The following EBF2 variants were observed in gnomAD, a reference collection of about 807,000 sequenced individuals.
EBF2 encodes EBF transcription factor 2.
In EBF2, 21 loss-of-function variants were observed where a neutral mutation model predicts 72.8. The ratio of observed to expected loss-of-function variants is 0.29; its 90% CI spans 0.20 to 0.42. The LOEUF (loss-of-function observed/expected upper bound fraction) is 0.42, where lower values mean the gene tolerates loss of function less well. Among genes scored for constraint, EBF2 ranks in the 10% least tolerant of loss-of-function variants. The probability of loss-of-function intolerance (pLI) is 1.00; values close to 1 mark genes in which losing one functional copy is unlikely to be tolerated. For missense variants in EBF2, 637 were observed against 731.2 expected, an observed-to-expected ratio of 0.87 and a Z score of 1.49; for synonymous variants, 299 against 274.2, an observed-to-expected ratio of 1.09 and a Z score of -0.89.
rs112244364 is a variant in EBF2 at position 25,976,510 on chromosome 8, T to C, written c.551+56575A>G. Among the ~76,000 whole-genome samples the C allele has an allele frequency of 1.5e-3, 222 of 152,358 alleles. 1 individual carries two copies. Among genetic ancestry groups the C allele is most frequent in the African/African-American group, 5.1e-3 (212 of 41,582 alleles). Reference sequence around the variant, plus strand: ...CTGCCAAGACACAGTATATTTCGACTGAGGACTAATAATATTTGGAAATGA... The same window carrying C: ...CTGCCAAGACACAGTATATTTCGACCGAGGACTAATAATATTTGGAAATGA... On this transcript the variant is annotated intron_variant, in intron 6 of 15. Transcript: ENST00000520164.
At chr8:25,983,690 C>G (rs1418530785) in intron 6 of EBF2, among the ~76,000 whole-genome samples, 1 of 152,330 alleles carries the variant, frequency 6.6e-6, no homozygotes, top group Admixed American at 6.5e-5. Flanking sequence ...CAACCCCGGG[C>G]TCTAGCTGTG....
chr8:26,039,929 G>C, intron 5 of EBF2, 99 bp downstream of exon 5: 1 of 1,301,326 alleles, frequency 7.7e-7, no homozygotes, highest in South Asian at 1.2e-5. Context: ...AGCTGCGAGC[G>C]CTCAGTCCTG....
intron 6 of EBF2, among the ~76,000 whole-genome samples, chr8:25,966,237 T>A (rs1563194934): frequency 6.6e-6 from 1 of 152,162 alleles, no homozygotes; most frequent in African/African-American, 2.4e-5. Context: ...GCCTAGGCTT[T>A]TGGAGATTTT....
intron 6 of EBF2, among the ~76,000 whole-genome samples, chr8:25,962,237 T>C (rs917755707): frequency 1.3e-5 from 2 of 152,166 alleles, no homozygotes; most frequent in Non-Finnish European, 2.9e-5. Context: ...CAAGACCCAT[T>C]TCCTTGAGGA....
At chr8:25,869,034 A>C (rs1321195682) in intron 10 of EBF2, among the ~76,000 whole-genome samples, 1 of 152,154 alleles carries the variant, frequency 6.6e-6, no homozygotes, top group Non-Finnish European at 1.5e-5. Flanking sequence ...TCACCATATT[A>C]ACAAGAATTT....
Position 26,040,662 on chromosome 8 carries a change from G to A in EBF2, c.362C>T (p.Thr121Met), listed in dbSNP as rs1043457048. The A allele has an allele frequency of 3.0e-5, 46 of 1,555,404 alleles. No individual in the cohort carries two copies. The highest frequency in any genetic ancestry group is 1.7e-4 in the Middle Eastern group (1 of 6,022). ...LQLLYSNGVR[T>M]EQDLYVRLID... ...GAGCCTGACATAGAGGTCCTGTTCC[G>A]TGCGGACACCTGCGGGGACCGGAGG... Residue 121 changes from threonine (T) to methionine (M), a missense_variant, in exon 4 of 16, where the codon ACG becomes ATG. Physicochemically the swap from Thr to Met is moderately conservative, Grantham distance 81 (BLOSUM62 -1). This residue lies in a region of EBF2 where 174 missense variants were observed against 161.9 expected (regional missense o/e 1.07). Transcript: ENST00000520164.
chr8:25,844,381 C>A lies in EBF2; in HGVS notation c.*228G>T. 1 of 516,924 alleles carries A rather than the reference C, an allele frequency of 1.9e-6. No homozygotes were observed. 32.0% of individuals were successfully genotyped at this position (516,924 alleles called of 1,614,324 possible). On this transcript the variant is annotated 3_prime_UTR_variant, in exon 16 of 16. Transcript: ENST00000520164. ...GCATTTCTGCTCTTAGCACTGACTA[C>A]GTCAATGACATCTTTTGTCCTTGTC...
Position 25,959,349 on chromosome 8 carries a change from C to T in EBF2, c.552-50794G>A, listed in dbSNP as rs190413888. Among the ~76,000 whole-genome samples, 483 of 152,176 alleles carry T rather than the reference C, an allele frequency of 3.2e-3. 4 individuals carry two copies. The highest frequency in any genetic ancestry group is 0.025 in the Admixed American group (376 of 15,284). The stretch of plus-strand genomic sequence containing the variant: ...CCTCCTGAGTAGCTGGGATTACAGG[C>T]GCCCACCACCATGCCTGGCTAATTT... On this transcript the variant is annotated intron_variant, in intron 6 of 15. Coordinates refer to ENST00000520164, the MANE Select transcript of EBF2 (RefSeq NM_022659.4).
chr8:26,008,677 T>G (rs1804923091), intron 6 of EBF2, among the ~76,000 whole-genome samples: 2 of 152,180 alleles, frequency 1.3e-5, no homozygotes, highest in South Asian at 4.1e-4. Flanking sequence ...CTGCCAATAT[T>G]AAATTAGCAG....
intron 6 of EBF2, among the ~76,000 whole-genome samples, chr8:25,919,724 C>T (rs1007045293): frequency 6.6e-6 from 1 of 152,166 alleles, no homozygotes; most frequent in African/African-American, 2.4e-5. Flanking sequence ...TGGCCAAAGC[C>T]GGGAGCAGAT....
At chr8:25,852,050 T>G (rs933931420) in intron 14 of EBF2, among the ~76,000 whole-genome samples, 25 of 152,334 alleles carry the variant, frequency 1.6e-4, no homozygotes, top group African/African-American at 5.1e-4. Flanking sequence ...AAACATCTTA[T>G]CCTTAAAGTA....
In EBF2 at chr8:25,843,394, A is replaced by G. The variant is rs1801770925; in HGVS notation, c.*1215T>C. On this transcript the variant is annotated 3_prime_UTR_variant, in exon 16 of 16. Coordinates refer to ENST00000520164, the MANE Select transcript of EBF2 (RefSeq NM_022659.4). The stretch of plus-strand genomic sequence containing the variant: ...TAAGACTGACTCTAAAGAGTCCATC[A>G]AACAGAGTTATCTTCTCCAAACCGT... 1 of 152,260 alleles carries G rather than the reference A, an allele frequency of 6.6e-6. No homozygotes were observed. The highest frequency in any genetic ancestry group is 1.5e-5 in the Non-Finnish European group (1 of 68,086). The allele number at this position is 152,260 out of a possible 1,614,324, so 9.4% of individuals were successfully genotyped here.
intron 6 of EBF2, among the ~76,000 whole-genome samples, chr8:25,998,753 A>T (rs1335384020): frequency 6.6e-6 from 1 of 152,234 alleles, no homozygotes; most frequent in Non-Finnish European, 1.5e-5. Context: ...AGGTTAACAA[A>T]GAAATAACTC....
intron 6 of EBF2, among the ~76,000 whole-genome samples, chr8:25,962,234 C>T (rs1804046766): frequency 6.6e-6 from 1 of 152,110 alleles, no homozygotes; most frequent in South Asian, 2.1e-4. Flanking sequence ...GTCCAAGACC[C>T]ATTTCCTTGA....
chr8:25,852,692 T>C (rs1802006430), intron 14 of EBF2, among the ~76,000 whole-genome samples: 1 of 152,218 alleles, frequency 6.6e-6, no homozygotes, highest in Non-Finnish European at 1.5e-5. Flanking sequence ...GTTGAGCAAG[T>C]ACATGCCCGT....
intron 2 of EBF2, chr8:26,041,462 A>G (rs574613031): frequency 8.1e-5 from 15 of 185,796 alleles, no homozygotes; most frequent in Admixed American, 4.3e-4. Flanking sequence ...ACTGAGTTCC[A>G]GGTTCAGGAG....
intron 7 of EBF2, among the ~76,000 whole-genome samples, chr8:25,893,190 C>T (rs531034799): frequency 6.6e-6 from 1 of 151,266 alleles, no homozygotes; most frequent in South Asian, 2.1e-4. Flanking sequence ...TGTGTGAATG[C>T]ATTTTCAAAG....
Position 25,842,583 on chromosome 8 carries a change from C to T in EBF2, c.*2026G>A, listed in dbSNP as rs1801760452. The T allele has an allele frequency of 6.6e-6, 1 of 152,194 alleles. No homozygotes were observed. Among genetic ancestry groups the T allele is most frequent in the Admixed American group, 6.5e-5 (1 of 15,276 alleles). 9.4% of individuals were successfully genotyped at this position (152,194 alleles called of 1,614,324 possible). On this transcript the variant is annotated 3_prime_UTR_variant, in exon 16 of 16. Coordinates refer to ENST00000520164, the MANE Select transcript of EBF2 (RefSeq NM_022659.4). ...TCTTCCCCTTCCATCAATCAGGTTT[C>T]TCACTGGGGGACTTTTTCTCTTATG...
intron 6 of EBF2, among the ~76,000 whole-genome samples, chr8:25,917,616 A>G (rs1326189537): frequency 6.6e-6 from 1 of 152,368 alleles, no homozygotes; most frequent in East Asian, 1.9e-4. Context: ...TCTTTCCGTG[A>G]GACTTCAGAA....
Sources: allele counts gnomAD v4.1 joint callset (sites outside exome capture counted in the v4.1 genomes callset), GRCh38; gene constraint gnomAD v4.1.1; regional missense constraint gnomAD v4.1.1; transcripts MANE v1.5; gene names NCBI Gene and HGNC (gene_info 2026-07-23, HGNC 2026-07-21).